The following SOD2 variants were observed in gnomAD, a reference collection of about 807,000 sequenced individuals.
SOD2 encodes superoxide dismutase [Mn], mitochondrial.
Under a neutral mutation model 27.0 loss-of-function variants are expected in SOD2, and 11 were observed. The observed-to-expected ratio is 0.41, with a 90% confidence interval of 0.26 to 0.67. The LOEUF (loss-of-function observed/expected upper bound fraction) is 0.67. Ranked by LOEUF, SOD2 falls within the 30% of genes least tolerant of loss-of-function variation. The pLI is 0.34. For synonymous variants in SOD2, 105 were observed against 103.0 expected (o/e 1.02, Z -0.12); for missense variants, 250 against 274.5 (o/e 0.91, Z 0.63).
chr6:159,711,762 A>C (rs111512143), intron 1 of SOD2, among the ~76,000 whole-genome samples: 30 of 99,296 alleles, frequency 3.0e-4, no homozygotes, highest in African/African-American at 4.1e-4. Context: ...TCTGATCACC[A>C]TAACCACCTC....
intron 1 of SOD2, chr6:159,739,181 A>G: frequency 1.5e-6 from 1 of 658,240 alleles, no homozygotes. Context: ...CTTTTTGAGC[A>G]TACTATGACC....
chr6:159,761,994 C>A, exon 1 of SOD2: 2 of 1,454,868 alleles, frequency 1.4e-6, no homozygotes, highest in Middle Eastern at 2.1e-4. Context: ...GCGGGGCTAC[C>A]TCAGGTCCCG....
chr6:159,695,773 A>G (rs1260850460), upstream of SOD2, among the ~76,000 whole-genome samples: 2 of 152,108 alleles, frequency 1.3e-5, no homozygotes, highest in Admixed American at 6.5e-5. Flanking sequence ...TGGGATCTAT[A>G]TAGGCTTGAG....
intron 1 of SOD2, chr6:159,726,911 G>A (rs1238246166): frequency 3.1e-6 from 4 of 1,289,008 alleles, no homozygotes; most frequent in East Asian, 5.5e-5. Context: ...TCTCTCTTGA[G>A]GTGGCACCTG....
At chr6:159,692,005 G>A (rs1323734756) in intron 2 of SOD2, 1 of 153,062 alleles carries the variant, frequency 6.5e-6, no homozygotes, top group Non-Finnish European at 1.5e-5. Context: ...AGGGTAGCTG[G>A]GGATGCAGGG....
At chr6:159,706,118 C>G (rs1188533563) in intron 1 of SOD2, among the ~76,000 whole-genome samples, 3 of 152,260 alleles carry the variant, frequency 2.0e-5, no homozygotes, top group Non-Finnish European at 4.4e-5. Flanking sequence ...CTGAAGGAAG[C>G]ACTAAACATA....
intron 1 of SOD2, chr6:159,755,642 A>G: frequency 6.5e-7 from 1 of 1,540,512 alleles, no homozygotes; most frequent in African/African-American, 1.4e-5. Flanking sequence ...ATACAGTGTC[A>G]TTTAATTTGG....
upstream of SOD2, among the ~76,000 whole-genome samples, chr6:159,693,646 T>C (rs1407234690): frequency 1.3e-5 from 2 of 152,156 alleles, no homozygotes; most frequent in Non-Finnish European, 2.9e-5. Context: ...TGAGTTTTGG[T>C]TGCGCTGCCG....
intron 2 of SOD2, 92 bp from the exon 3 acceptor site, chr6:159,688,334 T>G (rs572588012): frequency 1.3e-6 from 1 of 765,424 alleles, no homozygotes; most frequent in African/African-American, 1.7e-5. Context: ...AGCTATTAGA[T>G]AATGGGACCA....
At position 159,669,963 on chromosome 6, in the gene SOD2, A is replaced by G. The variant is rs549362816; in HGVS notation, c.*12530T>C. On this transcript the variant is annotated 3_prime_UTR_variant, in exon 5 of 5. Coordinates refer to ENST00000538183, the MANE Select transcript of SOD2 (RefSeq NM_000636.4). ...CCATTTACATTCAAAGTTATCATCA[A>G]TAGAGGTGCAGACTTTTTAAACAAA... The G allele has an allele frequency of 6.6e-6, 1 of 152,312 alleles. No homozygotes were observed. Among genetic ancestry groups the G allele is most frequent in the South Asian group, 2.1e-4 (1 of 4,828 alleles). The allele number at this position is 152,312 out of a possible 1,614,324, so 9.4% of individuals were successfully genotyped here.
At chr6:159,689,257 T>C (rs371716937) in intron 2 of SOD2, among the ~76,000 whole-genome samples, 485 of 152,330 alleles carry the variant, frequency 3.2e-3, no homozygotes, top group Non-Finnish European at 3.8e-3. Context: ...GACAGTCTCA[T>C]GCTGCGTTCC....
Position 159,685,020 on chromosome 6 carries a change from T to G in SOD2, c.357A>C (p.Glu119Asp). The G allele has an allele frequency of 6.3e-7, 1 of 1,599,458 alleles. No homozygotes were observed. The highest frequency in any genetic ancestry group is 8.5e-7 in the Non-Finnish European group (1 of 1,174,590). The change falls in exon 4 of 5, where the codon GAA (glutamate) becomes GAC (aspartate). Residue 119 changes from glutamate (E) to aspartate (D), a missense_variant. Glu to Asp is a conservative substitution (Grantham distance 45). Transcript: ENST00000538183. ...AGGAACCAAAGTCACGTTTGATGGCTTCCAGCAACTCCCCTATTAAAAAAA... is the reference window on the plus strand; with the variant it reads ...AGGAACCAAAGTCACGTTTGATGGCGTCCAGCAACTCCCCTATTAAAAAAA... ...GGGEPKGELL[E>D]AIKRDFGSFD...
chr6:159,744,888 C>G (rs1441758191), intron 1 of SOD2, among the ~76,000 whole-genome samples: 1 of 152,190 alleles, frequency 6.6e-6, no homozygotes, highest in Non-Finnish European at 1.5e-5. Flanking sequence ...CTATGTTGCC[C>G]AGGCTGGTCT....
chr6:159,741,781 A>G, intron 1 of SOD2: 1 of 209,624 alleles, frequency 4.8e-6, no homozygotes, highest in South Asian at 6.7e-5. Context: ...TGAGCTCGGG[A>G]GTTCAAGACC....
At chr6:159,745,220 C>T (rs767549643), upstream of SOD2, 8 of 152,164 alleles carry the variant, frequency 5.3e-5, no homozygotes, top group Admixed American at 2.0e-4. Context: ...AATTCCATTT[C>T]TCTTCCGGAT....
At chr6:159,701,619 G>A (rs1374437025) in intron 1 of SOD2, among the ~76,000 whole-genome samples, 2 of 150,476 alleles carry the variant, frequency 1.3e-5, no homozygotes, top group South Asian at 2.1e-4. Context: ...ATCCAGGGAC[G>A]AAGGAAAAAC....
chr6:159,736,503 A>G (rs1778926774), intron 1 of SOD2: 1 of 422,646 alleles, frequency 2.4e-6, no homozygotes, highest in Non-Finnish European at 4.2e-6. Flanking sequence ...ATATTTTCAG[A>G]TTTTGGAAAA....
chr6:159,723,131 A>G (rs1355397609), intron 1 of SOD2, among the ~76,000 whole-genome samples: 2 of 152,202 alleles, frequency 1.3e-5, no homozygotes, highest in African/African-American at 4.8e-5. Flanking sequence ...CTGCTAAAAC[A>G]TAAGGGATGG....
Position 159,675,755 on chromosome 6 carries a change from C to A in SOD2, c.*6738G>T, listed in dbSNP as rs1321593718. ...AAGCCAAAATTGACAAATGGGATCT[C>A]ATTAAACTCAAGAGCTTCTGCACAG... is the stretch of plus-strand genomic sequence containing the variant. On this transcript the variant is annotated 3_prime_UTR_variant, in exon 5 of 5. Coordinates refer to ENST00000538183, the MANE Select transcript of SOD2 (RefSeq NM_000636.4). 2.6e-5 allele frequency: 4 copies of A among 152,156 alleles called. No homozygotes were observed. The South Asian group carries it at 8.3e-4, about 32-fold the overall frequency. 9.4% of individuals were successfully genotyped at this position (152,156 alleles called of 1,614,324 possible). A position where few individuals can be genotyped will look rare whatever the true frequency, so the allele number is the denominator to read the frequency against.
Sources: allele counts gnomAD v4.1 joint callset (sites outside exome capture counted in the v4.1 genomes callset), GRCh38; gene constraint gnomAD v4.1.1; transcripts MANE v1.5; gene names NCBI Gene and HGNC (gene_info 2026-07-23, HGNC 2026-07-21).